Variants in ARHGEF10L observed in about 807,000 individuals in gnomAD.
The protein encoded by ARHGEF10L is Rho guanine nucleotide exchange factor 10 like, also known as rho guanine nucleotide exchange factor 10-like protein.
In ARHGEF10L, 69 loss-of-function variants were observed where a neutral mutation model predicts 141.2. The ratio of observed to expected loss-of-function variants is 0.49; its 90% CI spans 0.40 to 0.60. ARHGEF10L has a LOEUF of 0.60. Ranked by LOEUF, ARHGEF10L falls within the 20% of genes least tolerant of loss-of-function variation. ARHGEF10L has a pLI of 0.00. For missense variants in ARHGEF10L, 1,482 were observed against 1,734.3 expected (o/e 0.85, Z 2.58); for synonymous variants, 711 against 718.5 (o/e 0.99, Z 0.17).
rs193281732 is a variant in ARHGEF10L at position 17,672,294 on chromosome 1, G to A, written c.3009+7699G>A. 2.6e-3 allele frequency among the ~76,000 whole-genome samples: 388 copies of A among 151,584 alleles called. 2 individuals are homozygous for A. The highest frequency in any genetic ancestry group is 7.5e-3 in the African/African-American group (308 of 41,228). On this transcript the variant is annotated intron_variant, in intron 26 of 28. Transcript: ENST00000361221. ...TAAATCTATCATACGAGTGTGATGC[G>A]GCATGAATAATGCATCACTGGGCTG...
chr1:17,556,354 A>G (rs2077328263), intron 1 of ARHGEF10L, among the ~76,000 whole-genome samples: 1 of 151,294 alleles, frequency 6.6e-6, no homozygotes, highest in Non-Finnish European at 1.5e-5. Context: ...TGGCTCTGTC[A>G]TTCACCCTTT....
At chr1:17,576,649 C>T (rs2078238245) in intron 1 of ARHGEF10L, among the ~76,000 whole-genome samples, 1 of 152,202 alleles carries the variant, frequency 6.6e-6, no homozygotes, top group Non-Finnish European at 1.5e-5. Context: ...ACAGAGGCCC[C>T]TGTCTACCCA....
intron 1 of ARHGEF10L, among the ~76,000 whole-genome samples, chr1:17,549,312 G>A (rs561697317): frequency 5.3e-5 from 8 of 152,210 alleles, no homozygotes; most frequent in African/African-American, 1.7e-4. Context: ...TGTGAGCCAC[G>A]GTGCCCAGCC....
chr1:17,635,438 T>C (rs1419997435), intron 18 of ARHGEF10L, among the ~76,000 whole-genome samples: 4 of 152,200 alleles, frequency 2.6e-5, no homozygotes, highest in Non-Finnish European at 5.9e-5. Flanking sequence ...CCTGAGGGTG[T>C]ACCACCTGCC....
At chr1:17,532,411 C>G in the ARHGEF10L span, among the ~76,000 whole-genome samples, 5 of 152,142 alleles carry the variant, frequency 3.3e-5, no homozygotes, top group Non-Finnish European at 7.3e-5. Flanking sequence ...GCAGACATCC[C>G]CAAGTGCTCT....
intron 22 of ARHGEF10L, among the ~76,000 whole-genome samples, chr1:17,650,729 T>C (rs1385020010): frequency 7.9e-6 from 1 of 126,478 alleles, no homozygotes; most frequent in Non-Finnish European, 1.6e-5. Context: ...TAAGACCCTG[T>C]CTCAAAAAAA....
chr1:17,584,236 G>A (rs1194690415), intron 2 of ARHGEF10L, among the ~76,000 whole-genome samples: 5 of 151,974 alleles, frequency 3.3e-5, no homozygotes, highest in South Asian at 2.1e-4. Context: ...GTAGAGACAA[G>A]GTCTCACCAT....
At chr1:17,683,312 C>G (rs1290482865) in intron 26 of ARHGEF10L, among the ~76,000 whole-genome samples, 6 of 92,804 alleles carry the variant, frequency 6.5e-5, no homozygotes, top group Admixed American at 1.0e-4. Context: ...TGCTCTCACC[C>G]GGGTGCTCAC....
rs991873460 is a variant in ARHGEF10L, at chr1:17,603,045, C to T, written c.350-463C>T. The stretch of plus-strand genomic sequence containing the variant: ...GGAAGCATCACAGGCCAGTGGGTCT[C>T]GTGACTTCTTCCTGGAAGGCCTGTG... On this transcript the variant is annotated intron_variant, in intron 5 of 28. Transcript: ENST00000361221. The surrounding 1 kb of genome is among the most constrained non-coding windows in gnomAD (Gnocchi z 4.8). 2.6e-5 allele frequency among the ~76,000 whole-genome samples: 4 copies of T among 151,616 alleles called. No individual in the cohort carries two copies. The highest frequency in any genetic ancestry group is 4.9e-5 in the African/African-American group (2 of 41,222).
At chr1:17,651,211 C>T (rs753418152) in intron 22 of ARHGEF10L, among the ~76,000 whole-genome samples, 53 of 152,138 alleles carry the variant, frequency 3.5e-4, no homozygotes, top group Admixed American at 9.8e-4. Flanking sequence ...AAGCTAGGTG[C>T]CCCAGTCTAT....
chr1:17,602,256 G>T, intron 5 of ARHGEF10L, 38 bp downstream of exon 5: 1 of 1,543,800 alleles, frequency 6.5e-7, no homozygotes, highest in Non-Finnish European at 8.8e-7. Context: ...ACCCCAGGTA[G>T]CAAGCTCCAG....
rs1456234845 is a variant in ARHGEF10L, at chr1:17,603,359, G to C, written c.350-149G>C. The C allele has an allele frequency of 5.4e-6, 3 of 556,716 alleles. No homozygotes were observed. Among genetic ancestry groups the C allele is most frequent in the Non-Finnish European group, 9.2e-6 (3 of 325,418 alleles). The allele number at this position is 556,716 out of a possible 1,614,324, so 34.5% of individuals were successfully genotyped here. A position where few individuals can be genotyped will look rare whatever the true frequency, so the allele number is the denominator to read the frequency against. On this transcript the variant is annotated intron_variant, in intron 5 of 28. Coordinates refer to ENST00000361221, the MANE Select transcript of ARHGEF10L (RefSeq NM_018125.4). This position sits in a 1 kb window ranked among gnomAD's most constrained non-coding sequence, Gnocchi z 4.8. ...GCGAGGGAGCCGGCATCCCCTGAGG[G>C]CAGCTGGCGGAGCTAAGGGCTGGGC...
At chr1:17,581,375 A>G (rs2078549412) in intron 2 of ARHGEF10L, among the ~76,000 whole-genome samples, 1 of 151,642 alleles carries the variant, frequency 6.6e-6, no homozygotes, top group Non-Finnish European at 1.5e-5. Context: ...TAACAAAATT[A>G]TTCGTCGTTT....
chr1:17,664,722 G>C (rs1488119616), intron 26 of ARHGEF10L, 127 bp downstream of exon 26: 13 of 1,263,758 alleles, frequency 1.0e-5, no homozygotes, highest in Non-Finnish European at 3.1e-6. Flanking sequence ...GGCAGAGTTT[G>C]TCCGGAAGCA....
chr1:17,696,871 G>T lies in ARHGEF10L; in HGVS notation c.3331G>T (p.Gly1111Trp). 1 of 1,576,716 alleles carries T rather than the reference G, an allele frequency of 6.3e-7. No homozygotes were observed. Reference protein sequence around the residue: ...ITGKGMVSLNGHCGPVAFLAV... With the variant: ...ITGKGMVSLNWHCGPVAFLAV... ...AGGGAAAGGCATGGTCTCACTCAACGGGCACTGTGGGCCTGTGGCCTTCCT... is the reference window on the plus strand; with the variant it reads ...AGGGAAAGGCATGGTCTCACTCAACTGGCACTGTGGGCCTGTGGCCTTCCT... The change falls in exon 29 of 29, where the codon GGG becomes TGG. Residue 1111 changes from glycine (G) to tryptophan (W), a missense_variant. Coordinates refer to ENST00000361221, the MANE Select transcript of ARHGEF10L (RefSeq NM_018125.4).
At position 17,619,935 on chromosome 1, in the gene ARHGEF10L, C is replaced by T. The variant is rs1483198412; in HGVS notation, c.942+490C>T. Among the ~76,000 whole-genome samples the T allele has an allele frequency of 6.6e-6, 1 of 151,928 alleles. No homozygotes were observed. The highest frequency in any genetic ancestry group is 1.5e-5 in the Non-Finnish European group (1 of 67,968). On this transcript the variant is annotated intron_variant, in intron 10 of 28. Coordinates refer to ENST00000361221, the MANE Select transcript of ARHGEF10L (RefSeq NM_018125.4). The surrounding 1 kb of genome is among the most constrained non-coding windows in gnomAD (Gnocchi z 5.0). ...TGGGTGCGGTGGCTCATGCCTGTAA[C>T]CCCAGCACTTTGGGAGGGTGAAGCC... is the stretch of plus-strand genomic sequence containing the variant.
intron 18 of ARHGEF10L, 33 bp downstream of exon 18, chr1:17,635,049 C>T: frequency 6.2e-7 from 1 of 1,610,018 alleles, no homozygotes; most frequent in African/African-American, 1.3e-5. Context: ...CTGCGTTCGT[C>T]ACCCTCGCCC....
At chr1:17,581,309 C>CAAAAAAAAAAAAA (rs71014975) in intron 2 of ARHGEF10L, among the ~76,000 whole-genome samples, 2 of 69,276 alleles carry the variant, frequency 2.9e-5, no homozygotes, top group East Asian at 5.2e-4. Context: ...AAGACTGTCT[C>CAAAAAAAAAAAAA]AAAAAAAAAA....
At chr1:17,580,727 CGGG>C in intron 2 of ARHGEF10L, 95 bp downstream of exon 2, 3 of 1,493,096 alleles carry the variant, frequency 2.0e-6, no homozygotes, top group Non-Finnish European at 1.8e-6. Flanking sequence ...AGCATGGCGC[CGGG>C]TGGGAAGTCT....
Sources: allele counts gnomAD v4.1 joint callset (sites outside exome capture counted in the v4.1 genomes callset), GRCh38; gene constraint gnomAD v4.1.1; non-coding constraint Gnocchi (gnomAD v3.1); transcripts MANE v1.5; gene names NCBI Gene and HGNC (gene_info 2026-07-23, HGNC 2026-07-21).